THNSL1: variants seen among roughly 807,000 people sequenced by gnomAD.
The protein encoded by THNSL1 is threonine synthase like 1, also known as threonine synthase-like 1.
A neutral mutation model predicts 50.4 loss-of-function variants in THNSL1; 48 were observed. The ratio of observed to expected loss-of-function variants is 0.95; its 90% CI spans 0.76 to 1.21. The LOEUF (loss-of-function observed/expected upper bound fraction) is 1.21, where lower values mean the gene tolerates loss of function less well. Ranked by LOEUF, THNSL1 falls within the 50% of genes most tolerant of loss-of-function variation. The pLI, the probability that THNSL1 is intolerant of heterozygous loss-of-function variation, is 0.00. For synonymous variants in THNSL1, 309 were observed against 306.1 expected, an observed-to-expected ratio of 1.01 and a Z score of -0.10; for missense variants, 896 against 871.7, an observed-to-expected ratio of 1.03 and a Z score of -0.35.
At chr10:24,990,524 T>C in the THNSL1 span, 1 of 1,614,122 alleles carries the variant, frequency 6.2e-7, no homozygotes, top group Non-Finnish European at 8.5e-7. Flanking sequence ...CTTAAGGTTT[T>C]CCTGGATATA....
the THNSL1 span, among the ~76,000 whole-genome samples, chr10:24,981,306 G>T: frequency 6.6e-6 from 1 of 152,142 alleles, no homozygotes; most frequent in Non-Finnish European, 1.5e-5. Flanking sequence ...TTTCTCCTCA[G>T]TGACTCTCTG....
the THNSL1 span, among the ~76,000 whole-genome samples, chr10:24,996,186 G>A: frequency 2.0e-5 from 3 of 152,162 alleles, no homozygotes; most frequent in African/African-American, 2.4e-5. Context: ...GGTGGCCCAC[G>A]GTGACGTGGG....
chr10:24,959,035 A>G, the THNSL1 span, among the ~76,000 whole-genome samples: 1 of 152,230 alleles, frequency 6.6e-6, no homozygotes, highest in Admixed American at 6.5e-5. Flanking sequence ...GAAGTTACGT[A>G]CATGACCCTA....
At chr10:24,980,198 C>T in the THNSL1 span, among the ~76,000 whole-genome samples, 26 of 152,248 alleles carry the variant, frequency 1.7e-4, no homozygotes, top group Admixed American at 1.7e-3. Flanking sequence ...CTGATTTCCT[C>T]CTCATCTTCA....
chr10:24,977,127 A>G, the THNSL1 span, among the ~76,000 whole-genome samples: 2 of 152,214 alleles, frequency 1.3e-5, no homozygotes, highest in East Asian at 1.9e-4. Context: ...AGCTATTCCT[A>G]ACATAAAGGC....
the THNSL1 span, among the ~76,000 whole-genome samples, chr10:24,991,558 G>A: frequency 6.6e-6 from 1 of 152,124 alleles, no homozygotes; most frequent in Non-Finnish European, 1.5e-5. Flanking sequence ...TCGATCAGTG[G>A]AACAACGCAG....
the THNSL1 span, among the ~76,000 whole-genome samples, chr10:24,964,290 G>A: frequency 3.9e-5 from 6 of 152,152 alleles, no homozygotes; most frequent in Non-Finnish European, 1.5e-5. Context: ...TCTGTTTTTA[G>A]GAGGTAAATG....
the THNSL1 span, among the ~76,000 whole-genome samples, chr10:24,953,973 G>A: frequency 3.3e-5 from 5 of 152,218 alleles, no homozygotes; most frequent in African/African-American, 1.2e-4. Flanking sequence ...CTGCCTTACA[G>A]AAATGGGGGG....
At position 25,023,660 on chromosome 10, in the gene THNSL1, A is replaced by G; in HGVS notation, c.437A>G (p.Lys146Arg). The G allele has an allele frequency of 2.5e-6, 4 of 1,614,178 alleles. No homozygotes were observed. Among genetic ancestry groups the G allele is most frequent in the Non-Finnish European group, 3.4e-6 (4 of 1,180,010 alleles). ...CATGATGCTAGCATGTGGCATCTGAAGAAAAATGGAATAATTGTATACCTG... is the reference window on the plus strand; with the variant it reads ...CATGATGCTAGCATGTGGCATCTGAGGAAAAATGGAATAATTGTATACCTG... Reference protein sequence around the residue: ...PMHDASMWHLKKNGIIVYLDV... With the variant: ...PMHDASMWHLRKNGIIVYLDV... The change falls in exon 3 of 3, where the codon AAG (lysine) becomes AGG (arginine). Residue 146 changes from lysine to arginine, a missense_variant. Physicochemically the swap from Lys to Arg is conservative, Grantham distance 26. Transcript: ENST00000376356.
Position 25,024,469 on chromosome 10 carries a change from CA to C in THNSL1, c.1251del (p.Ala418HisfsTer3), listed in dbSNP as rs750852271. ...TCCTGAGAATGGAGTAAGTGATTTTCAAAAAGCACAAATAATTGGCAGTCAG... is the reference window on the plus strand; with the variant it reads ...TCCTGAGAATGGAGTAAGTGATTTTCAAAAGCACAAATAATTGGCAGTCAG... ...FFPENGVSDF[Q>X]KAQIIGSQRE... On this transcript the variant is annotated frameshift_variant, in exon 3 of 3. Transcript: ENST00000376356. LOFTEE classifies it high-confidence loss of function. 15 of 1,613,992 alleles carry C rather than the reference CA, an allele frequency of 9.3e-6. No homozygotes were observed. The highest frequency in any genetic ancestry group is 1.7e-6 in the Non-Finnish European group (2 of 1,180,018).
At chr10:24,953,841 G>A in the THNSL1 span, among the ~76,000 whole-genome samples, 445 of 152,306 alleles carry the variant, frequency 2.9e-3, 4 homozygotes, top group African/African-American at 0.01. Context: ...AAAAATATTA[G>A]TCATTCAGAC....
intron 2 of THNSL1, 59 bp downstream of exon 2, chr10:25,021,967 TTAAG>T (rs1850727917): frequency 1.3e-5 from 2 of 152,180 alleles, no homozygotes; most frequent in South Asian, 2.1e-4. Flanking sequence ...AGAACAGAGT[TTAAG>T]TAGCATAGAA....
the THNSL1 span, among the ~76,000 whole-genome samples, chr10:25,007,781 G>A: frequency 1.3e-5 from 2 of 151,904 alleles, no homozygotes; most frequent in Non-Finnish European, 2.9e-5. Flanking sequence ...TAAACATTAA[G>A]CCAGTAAATG....
At chr10:24,982,427 A>G in the THNSL1 span, 1 of 152,240 alleles carries the variant, frequency 6.6e-6, no homozygotes, top group South Asian at 2.1e-4. Flanking sequence ...AAGGGGCCAG[A>G]CCACATCAAA....
chr10:25,021,617 A>C (rs1850720683), intron 1 of THNSL1, 125 bp from the exon 2 acceptor site: 1 of 152,224 alleles, frequency 6.6e-6, no homozygotes, highest in South Asian at 2.1e-4. Flanking sequence ...AAACATATGA[A>C]AAGGGTCAAT....
chr10:25,019,169 A>G (rs543943825), intron 1 of THNSL1, among the ~76,000 whole-genome samples: 1 of 152,350 alleles, frequency 6.6e-6, no homozygotes, highest in Admixed American at 6.5e-5. Context: ...CTAATTACAG[A>G]TTGAAAATAT....
chr10:24,997,807 T>TTATATATATATATATATATATATATA, the THNSL1 span, among the ~76,000 whole-genome samples: 114 of 144,906 alleles, frequency 7.9e-4, no homozygotes, highest in African/African-American at 1.7e-3. Context: ...CACAAAGGAT[T>TTATATATATATATATATATATATATA]TATATATATA....
At chr10:24,970,121 T>C in the THNSL1 span, among the ~76,000 whole-genome samples, 2 of 152,212 alleles carry the variant, frequency 1.3e-5, no homozygotes, top group Non-Finnish European at 2.9e-5. Context: ...AAAATCAATG[T>C]TTATTGAAGG....
chr10:25,002,199 G>A, the THNSL1 span, among the ~76,000 whole-genome samples: 1 of 152,176 alleles, frequency 6.6e-6, no homozygotes, highest in African/African-American at 2.4e-5. Flanking sequence ...GGGCTGGTGG[G>A]AACACGAACT....
Sources: gnomAD v4.1 joint callset for allele counts (sites outside exome capture counted in the v4.1 genomes callset) on GRCh38, gnomAD v4.1.1 for gene constraint, MANE v1.5 for transcripts, NCBI Gene and HGNC (gene_info 2026-07-23, HGNC 2026-07-21) for gene names.